FAM184A: variants seen among roughly 807,000 people sequenced by gnomAD.
FAM184A encodes protein FAM184A.
Under a neutral mutation model 143.8 loss-of-function variants are expected in FAM184A, and 99 were observed. The observed-to-expected ratio is 0.69, with a 90% confidence interval of 0.58 to 0.81. The LOEUF (loss-of-function observed/expected upper bound fraction) is 0.81. Ranked by LOEUF, FAM184A falls within the 40% of genes least tolerant of loss-of-function variation. FAM184A has a pLI of 0.00. For missense variants in FAM184A, 1,217 were observed against 1,310.5 expected, an observed-to-expected ratio of 0.93 and a Z score of 1.10; for synonymous variants, 427 against 446.4, an observed-to-expected ratio of 0.96 and a Z score of 0.55.
chr6:119,079,963 A>C (rs1582597032), upstream of FAM184A, among the ~76,000 whole-genome samples: 1 of 152,364 alleles, frequency 6.6e-6, no homozygotes, highest in East Asian at 1.9e-4. Flanking sequence ...GCATATGGCC[A>C]GAAACAAATA....
intron 1 of FAM184A, among the ~76,000 whole-genome samples, chr6:119,128,686 A>T (rs898172561): frequency 3.9e-5 from 6 of 152,208 alleles, no homozygotes; most frequent in Non-Finnish European, 7.3e-5. Flanking sequence ...TGAGGCCCCC[A>T]GTTACAATAA....
chr6:118,970,008 A>ATATATATATATATATTTTTTT, intron 14 of FAM184A, among the ~76,000 whole-genome samples: 10 of 19,036 alleles, frequency 5.3e-4, no homozygotes, highest in East Asian at 3.1e-3. Flanking sequence ...ATATATATAT[A>ATATATATATATATATTTTTTT]TTTTTTTTTT....
chr6:119,113,635 AAG>A (rs71809162), intron 1 of FAM184A, among the ~76,000 whole-genome samples: 28 of 149,672 alleles, frequency 1.9e-4, no homozygotes, highest in Admixed American at 6.7e-4. Context: ...GAGAGAGAGA[AAG>A]AGAGAGAGAG....
intron 1 of FAM184A, among the ~76,000 whole-genome samples, chr6:119,119,205 C>G (rs1789142612): frequency 6.6e-6 from 1 of 152,226 alleles, no homozygotes; most frequent in East Asian, 1.9e-4. Flanking sequence ...ACTTCATTAG[C>G]AATTTTAATT....
chr6:119,146,526 G>C (rs1361628453), intron 1 of FAM184A, among the ~76,000 whole-genome samples: 1 of 151,618 alleles, frequency 6.6e-6, no homozygotes, highest in Admixed American at 6.6e-5. Context: ...GAACTCCTGG[G>C]CTCAAGCGAT....
intron 1 of FAM184A, among the ~76,000 whole-genome samples, chr6:119,146,966 C>G (rs554938354): frequency 6.6e-6 from 1 of 151,806 alleles, no homozygotes; most frequent in South Asian, 2.1e-4. Flanking sequence ...CACTACATTC[C>G]AGAAAAAAAC....
chr6:118,960,203 A>C lies in FAM184A; in HGVS notation c.3342-19T>G. The C allele has an allele frequency of 6.2e-7, 1 of 1,605,320 alleles. No individual in the cohort carries two copies. The highest frequency in any genetic ancestry group is 8.5e-7 in the Non-Finnish European group (1 of 1,174,544). ...AGCAGGACTGAATTCATAAAAAGAGAGACATGTAACCCAGCATTAAGTCAT... is the reference window on the plus strand; with the variant it reads ...AGCAGGACTGAATTCATAAAAAGAGCGACATGTAACCCAGCATTAAGTCAT... On this transcript the variant is annotated intron_variant, in intron 17 of 17. Transcript: ENST00000338891.
At chr6:119,130,789 C>T (rs1225431071) in intron 1 of FAM184A, among the ~76,000 whole-genome samples, 2 of 151,988 alleles carry the variant, frequency 1.3e-5, no homozygotes, top group East Asian at 3.9e-4. Context: ...CAATGATTTG[C>T]CTTTCCCAAG....
chr6:119,145,424 C>T (rs981748451), intron 1 of FAM184A, among the ~76,000 whole-genome samples: 4 of 152,090 alleles, frequency 2.6e-5, no homozygotes, highest in South Asian at 2.1e-4. Context: ...CCTTTGGGTA[C>T]GATCTGATTC....
At chr6:119,146,240 GTATAGA>G (rs1772421900) in intron 1 of FAM184A, among the ~76,000 whole-genome samples, 1 of 152,088 alleles carries the variant, frequency 6.6e-6, no homozygotes, top group South Asian at 2.1e-4. Flanking sequence ...TGTAGGCTGA[GTATAGA>G]TATGGCCAAA....
chr6:119,050,679 G>A (rs184973707), intron 1 of FAM184A, among the ~76,000 whole-genome samples: 1 of 152,152 alleles, frequency 6.6e-6, no homozygotes, highest in African/African-American at 2.4e-5. Flanking sequence ...GGTGGCGGGC[G>A]CTGTAGTCCC....
At chr6:119,135,757 A>T (rs1789643595) in intron 1 of FAM184A, among the ~76,000 whole-genome samples, 1 of 152,196 alleles carries the variant, frequency 6.6e-6, no homozygotes, top group Non-Finnish European at 1.5e-5. Flanking sequence ...ATAAGCTCAG[A>T]TCCATACTTC....
At chr6:119,015,882 T>G (rs1170906490) in intron 5 of FAM184A, among the ~76,000 whole-genome samples, 1 of 152,172 alleles carries the variant, frequency 6.6e-6, no homozygotes, top group Non-Finnish European at 1.5e-5. Flanking sequence ...GGTTTGTGAG[T>G]GCACCAATCG....
chr6:119,137,114 C>A (rs1368032374), intron 1 of FAM184A, among the ~76,000 whole-genome samples: 2 of 152,230 alleles, frequency 1.3e-5, no homozygotes, highest in Non-Finnish European at 2.9e-5. Context: ...AGGTGACAGA[C>A]TGTTTAAAGT....
chr6:119,131,733 C>G (rs910680116), intron 1 of FAM184A, among the ~76,000 whole-genome samples: 1 of 152,018 alleles, frequency 6.6e-6, no homozygotes, highest in African/African-American at 2.4e-5. Flanking sequence ...ATCCCCCCAC[C>G]CAGCCCCCCA....
At position 119,024,281 on chromosome 6, in the gene FAM184A, T is replaced by C; in HGVS notation, c.692A>G (p.Asn231Ser). 3.1e-6 allele frequency: 5 copies of C among 1,614,236 alleles called. No individual in the cohort carries two copies. The highest frequency in any genetic ancestry group is 4.2e-6 in the Non-Finnish European group (5 of 1,180,040). Residue 231 changes from asparagine to serine, a missense_variant, in exon 2 of 18, where the codon AAC becomes AGC. By Grantham distance (46) the Asn-to-Ser change is conservative (BLOSUM62 1). Transcript: ENST00000338891. ...AAGTCTTAGCTCCTCAAGCATTTTG[T>C]TTAGGGACTCCACCTCCATTCTGTG... Reference protein sequence around the residue: ...ELHRMEVESLNKMLEELRLER... With the variant: ...ELHRMEVESLSKMLEELRLER...
chr6:119,023,372 T>C (rs1203231665), intron 2 of FAM184A, among the ~76,000 whole-genome samples: 9 of 152,168 alleles, frequency 5.9e-5, no homozygotes. Flanking sequence ...TCCGGCATTT[T>C]TTTCCCCCAG....
At chr6:119,113,124 C>T (rs1427414910) in intron 1 of FAM184A, among the ~76,000 whole-genome samples, 1 of 152,172 alleles carries the variant, frequency 6.6e-6, no homozygotes, top group Non-Finnish European at 1.5e-5. Flanking sequence ...TACTGCCAGC[C>T]CATTTCTGTG....
intron 9 of FAM184A, among the ~76,000 whole-genome samples, chr6:118,997,456 G>A (rs1328116700): frequency 5.3e-5 from 8 of 152,074 alleles, no homozygotes; most frequent in Non-Finnish European, 7.4e-5. Context: ...TTGGGAGGCC[G>A]AAGCAGGTGG....
Sources: gnomAD v4.1 joint callset for allele counts (sites outside exome capture counted in the v4.1 genomes callset) on GRCh38, gnomAD v4.1.1 for gene constraint, MANE v1.5 for transcripts, NCBI Gene and HGNC (gene_info 2026-07-23, HGNC 2026-07-21) for gene names.